The following SENP7 variants were observed in gnomAD, a reference collection of about 807,000 sequenced individuals.
SENP7 encodes sentrin-specific protease 7.
SENP7 carries 64 observed loss-of-function variants against 141.2 expected under a neutral mutation model. The ratio of observed to expected loss-of-function variants is 0.45; its 90% CI spans 0.37 to 0.56. SENP7 has a LOEUF of 0.56. Among genes scored for constraint, SENP7 ranks in the 20% least tolerant of loss-of-function variants. The probability of loss-of-function intolerance (pLI) is 0.00; values close to 1 mark genes in which losing one functional copy is unlikely to be tolerated. For synonymous variants in SENP7, 382 were observed against 426.4 expected (o/e 0.90, Z 1.28); for missense variants, 1,025 against 1,212.2 (o/e 0.85, Z 2.29).
chr3:101,405,450 C>T (rs1394307340), intron 5 of SENP7, among the ~76,000 whole-genome samples: 1 of 152,174 alleles, frequency 6.6e-6, no homozygotes. Flanking sequence ...AGCCCTAGAC[C>T]TTCCCTCTGA....
intron 4 of SENP7, among the ~76,000 whole-genome samples, chr3:101,455,406 A>C (rs1006899590): frequency 6.6e-6 from 1 of 152,196 alleles, no homozygotes; most frequent in African/African-American, 2.4e-5. Context: ...AACATATAAT[A>C]AGTATTTAAT....
At chr3:101,392,792 T>C (rs2060851827) in intron 6 of SENP7, among the ~76,000 whole-genome samples, 1 of 152,164 alleles carries the variant, frequency 6.6e-6, no homozygotes. Flanking sequence ...CAAAATATAT[T>C]ACAAAGCTAT....
At chr3:101,404,468 A>T (rs1387169632) in intron 5 of SENP7, among the ~76,000 whole-genome samples, 1 of 152,240 alleles carries the variant, frequency 6.6e-6, no homozygotes, top group Non-Finnish European at 1.5e-5. Context: ...TAAAAAACCT[A>T]GAAGAAAATT....
intron 11 of SENP7, chr3:101,357,691 T>A: frequency 1.4e-6 from 1 of 720,282 alleles, no homozygotes; most frequent in Non-Finnish European, 2.5e-6. Flanking sequence ...TTCAATGTGA[T>A]AAATATGTGA....
chr3:101,496,576 C>G (rs2065165583), intron 2 of SENP7, among the ~76,000 whole-genome samples: 1 of 136,332 alleles, frequency 7.3e-6, no homozygotes, highest in African/African-American at 2.7e-5. Context: ...ACACTTCAAA[C>G]ACTTTTTTTT....
chr3:101,335,951 T>C (rs6765618), intron 17 of SENP7, among the ~76,000 whole-genome samples: 61,397 of 152,022 alleles, frequency 0.4, 12,850 homozygotes, highest in Admixed American at 0.54. Context: ...ACACTCAAAA[T>C]GGAGTTAATC....
chr3:101,501,952 A>T (rs1172555220), intron 1 of SENP7, among the ~76,000 whole-genome samples: 1 of 152,218 alleles, frequency 6.6e-6, no homozygotes, highest in Admixed American at 6.5e-5. Flanking sequence ...AACACCCTTG[A>T]CTACCTCACA....
rs536108695 is a variant in SENP7, at chr3:101,444,790, C to A, written c.284+14165G>T. Among the ~76,000 whole-genome samples the A allele has an allele frequency of 4.6e-5, 7 of 151,414 alleles. No individual in the cohort carries two copies. In the South Asian group the frequency reaches 1.5e-3, roughly 32 times the overall value. ...ATAGCATTGGGAGATATACCTAATG[C>A]TAGATGACGAGTTAGTGGGTGCAGC... On this transcript the variant is annotated intron_variant, in intron 4 of 23. Transcript: ENST00000394095.
chr3:101,332,469 A>T (rs1005171399), intron 18 of SENP7, among the ~76,000 whole-genome samples: 53 of 151,918 alleles, frequency 3.5e-4, no homozygotes, highest in African/African-American at 1.3e-3. Context: ...AAATATTTTT[A>T]TTTTTTTATT....
chr3:101,421,875 A>T (rs2061800472), intron 4 of SENP7, among the ~76,000 whole-genome samples: 1 of 152,190 alleles, frequency 6.6e-6, no homozygotes. Flanking sequence ...ATAAAACCTA[A>T]ATTTAGTATT....
At chr3:101,443,231 G>T (rs548645874) in intron 4 of SENP7, among the ~76,000 whole-genome samples, 369 of 152,212 alleles carry the variant, frequency 2.4e-3, no homozygotes, top group African/African-American at 8.7e-3. Flanking sequence ...GCTTGTTTTT[G>T]TTAGGTTTGT....
chr3:101,453,369 T>C (rs2063222637), intron 4 of SENP7, among the ~76,000 whole-genome samples: 1 of 152,226 alleles, frequency 6.6e-6, no homozygotes, highest in African/African-American at 2.4e-5. Context: ...CTACTGGGTA[T>C]ATACCCAAAG....
chr3:101,348,516 T>A (rs1450090504), intron 12 of SENP7, among the ~76,000 whole-genome samples: 1 of 152,152 alleles, frequency 6.6e-6, no homozygotes, highest in Non-Finnish European at 1.5e-5. Flanking sequence ...TATTGGTCAA[T>A]ACTATATAAA....
intron 4 of SENP7, among the ~76,000 whole-genome samples, chr3:101,432,286 G>C (rs1254291582): frequency 6.6e-6 from 1 of 152,180 alleles, no homozygotes; most frequent in Admixed American, 6.5e-5. Flanking sequence ...TAGAACACTA[G>C]GTAGACTTCT....
chr3:101,365,066 C>T, intron 9 of SENP7, 75 bp from the exon 10 acceptor site: 1 of 992,828 alleles, frequency 1.0e-6, no homozygotes, highest in Middle Eastern at 3.6e-4. Context: ...ACAGTCTCCC[C>T]ATCTCGGCTC....
In SENP7 at chr3:101,485,667, G is replaced by A. The variant is rs936760002; in HGVS notation, c.186+8206C>T. 5.3e-5 allele frequency among the ~76,000 whole-genome samples: 8 copies of A among 152,040 alleles called. 1 individual carries two copies. The highest frequency in any genetic ancestry group is 1.0e-4 in the Non-Finnish European group (7 of 68,020). On this transcript the variant is annotated intron_variant, in intron 3 of 23. Coordinates refer to ENST00000394095, the MANE Select transcript of SENP7 (RefSeq NM_020654.5). ...AGCCTACCCAAATGAGAAGGAACCA[G>A]AAACAACTCTGATAATATGACAAAC...
chr3:101,505,081 G>C (rs936229063), intron 1 of SENP7, among the ~76,000 whole-genome samples: 3 of 150,260 alleles, frequency 2.0e-5, no homozygotes, highest in African/African-American at 7.3e-5. Flanking sequence ...AAAGAAAAAA[G>C]AAAAAAAAAG....
intron 11 of SENP7, among the ~76,000 whole-genome samples, chr3:101,356,243 A>T (rs561834601): frequency 7.9e-4 from 120 of 152,276 alleles, no homozygotes; most frequent in African/African-American, 2.8e-3. Context: ...CATTTTCATC[A>T]TGCATCTCAC....
At chr3:101,509,978 G>A (rs1203780538) in intron 1 of SENP7, among the ~76,000 whole-genome samples, 2 of 146,866 alleles carry the variant, frequency 1.4e-5, no homozygotes, top group South Asian at 2.1e-4. Context: ...AAGAACATAC[G>A]TTATCCTTAA....
Sources: allele counts gnomAD v4.1 joint callset (sites outside exome capture counted in the v4.1 genomes callset), GRCh38; gene constraint gnomAD v4.1.1; transcripts MANE v1.5; gene names NCBI Gene and HGNC (gene_info 2026-07-23, HGNC 2026-07-21).